PDE8A: variants seen among roughly 807,000 people sequenced by gnomAD.
The protein encoded by PDE8A is phosphodiesterase 8A.
Under a neutral mutation model 105.0 loss-of-function variants are expected in PDE8A, and 59 were observed. The ratio of observed to expected loss-of-function variants is 0.56; its 90% CI spans 0.46 to 0.70. PDE8A has a LOEUF of 0.70. Ranked by LOEUF, PDE8A falls within the 30% of genes least tolerant of loss-of-function variation. The pLI, the probability that PDE8A is intolerant of heterozygous loss-of-function variation, is 0.00. For synonymous variants in PDE8A, 355 were observed against 371.9 expected, an observed-to-expected ratio of 0.95 and a Z score of 0.52; for missense variants, 1,014 against 1,045.9, an observed-to-expected ratio of 0.97 and a Z score of 0.42.
intron 19 of PDE8A, among the ~76,000 whole-genome samples, chr15:85,125,970 A>G (rs1481817437): frequency 6.6e-6 from 1 of 151,922 alleles, no homozygotes; most frequent in Non-Finnish European, 1.5e-5. Flanking sequence ...AGATATACCA[A>G]CCCCTAGTGC....
At chr15:84,998,191 C>T (rs989912992) in intron 1 of PDE8A, among the ~76,000 whole-genome samples, 8 of 152,154 alleles carry the variant, frequency 5.3e-5, no homozygotes, top group African/African-American at 7.2e-5. Flanking sequence ...AGGAGGAAAT[C>T]GAAACCCTAA....
chr15:85,077,281 C>T (rs138056618), intron 5 of PDE8A, among the ~76,000 whole-genome samples: 12 of 152,294 alleles, frequency 7.9e-5, no homozygotes, highest in African/African-American at 2.6e-4. Flanking sequence ...CTCTCTTTCT[C>T]TCCACTCCCA....
intron 1 of PDE8A, among the ~76,000 whole-genome samples, chr15:85,039,141 A>G (rs903145368): frequency 3.3e-5 from 5 of 152,072 alleles, no homozygotes; most frequent in Non-Finnish European, 7.4e-5. Flanking sequence ...AAAAAAAAGA[A>G]AAGAGTGGGT....
At chr15:85,082,662 T>C (rs2081485956) in intron 5 of PDE8A, among the ~76,000 whole-genome samples, 1 of 152,254 alleles carries the variant, frequency 6.6e-6, no homozygotes, top group African/African-American at 2.4e-5. Flanking sequence ...GATAGTGATA[T>C]GCAGAGGCTC....
At chr15:85,036,561 G>A (rs2080710096) in intron 1 of PDE8A, among the ~76,000 whole-genome samples, 1 of 152,162 alleles carries the variant, frequency 6.6e-6, no homozygotes, top group Non-Finnish European at 1.5e-5. Flanking sequence ...ATGGGCAGAT[G>A]CAGGATCCAG....
Position 84,982,368 on chromosome 15 carries a change from C to T in PDE8A, c.186+20C>T, listed in dbSNP as rs1362216351. On this transcript the variant is annotated intron_variant, in intron 1 of 21. Transcript: ENST00000394553. ...AAGAAGGTAAGGGGCGCCGGGCACTCTGGGGCCGCCGCGAAACTCGGGCCC... is the reference window on the plus strand; with the variant it reads ...AAGAAGGTAAGGGGCGCCGGGCACTTTGGGGCCGCCGCGAAACTCGGGCCC... The T allele has an allele frequency of 3.9e-6, 5 of 1,293,078 alleles. No individual in the cohort carries two copies. In the African/African-American group the frequency reaches 6.2e-5, roughly 16 times the overall value. The allele number at this position is 1,293,078 out of a possible 1,614,324, so 80.1% of individuals were successfully genotyped here. A position where few individuals can be genotyped will look rare whatever the true frequency, so the allele number is the denominator to read the frequency against.
chr15:84,989,458 G>A (rs906203166), intron 1 of PDE8A, among the ~76,000 whole-genome samples: 3 of 152,176 alleles, frequency 2.0e-5, no homozygotes, highest in South Asian at 2.1e-4. Context: ...AACCCAAAGC[G>A]CTGGTGGCAC....
At chr15:85,088,878 A>G (rs1042677655) in intron 6 of PDE8A, among the ~76,000 whole-genome samples, 3 of 152,266 alleles carry the variant, frequency 2.0e-5, no homozygotes, top group Admixed American at 6.5e-5. Context: ...TAGTCTTTCC[A>G]GATGCCCTCA....
chr15:85,002,451 G>A (rs1343421621), intron 1 of PDE8A, among the ~76,000 whole-genome samples: 1 of 152,172 alleles, frequency 6.6e-6, no homozygotes, highest in Non-Finnish European at 1.5e-5. Flanking sequence ...TGTAGAGTTG[G>A]GTGCGCCACC....
intron 1 of PDE8A, among the ~76,000 whole-genome samples, chr15:85,020,308 A>G (rs2080403517): frequency 6.6e-6 from 1 of 152,106 alleles, no homozygotes; most frequent in Non-Finnish European, 1.5e-5. Flanking sequence ...TCTGGGCATT[A>G]AGAAAACAAC....
chr15:84,996,681 G>T (rs1470437247), intron 1 of PDE8A, among the ~76,000 whole-genome samples: 1 of 151,594 alleles, frequency 6.6e-6, no homozygotes. Context: ...CAAAAATTAG[G>T]CGGGTATAGT....
intron 2 of PDE8A, 92 bp downstream of exon 2, chr15:85,064,518 C>A (rs1187603558): frequency 2.5e-6 from 2 of 789,668 alleles, no homozygotes; most frequent in Non-Finnish European, 2.2e-6. Context: ...AATAGTCTTT[C>A]ATTTAGATAA....
chr15:84,982,847 G>C (rs900954033), intron 1 of PDE8A, among the ~76,000 whole-genome samples: 1 of 152,176 alleles, frequency 6.6e-6, no homozygotes. Context: ...TTTTCTTCGG[G>C]ACTGCTAGAA....
chr15:85,116,256 C>T (rs1203211732), intron 16 of PDE8A, 137 bp downstream of exon 16: 4 of 768,956 alleles, frequency 5.2e-6, no homozygotes, highest in Middle Eastern at 3.8e-4. Flanking sequence ...TAACAGGGCA[C>T]CAGGTGGCTC....
At chr15:85,019,035 G>T (rs182957662) in intron 1 of PDE8A, among the ~76,000 whole-genome samples, 51 of 152,228 alleles carry the variant, frequency 3.4e-4, no homozygotes, top group African/African-American at 1.2e-3. Flanking sequence ...AGTTACTTGG[G>T]AGGTGTAGTT....
chr15:84,993,442 CAAAAAAAAAAAAAAAA>C (rs11362736), intron 1 of PDE8A, among the ~76,000 whole-genome samples: 1 of 73,116 alleles, frequency 1.4e-5, no homozygotes, highest in Admixed American at 1.8e-4. Context: ...GACTCCATCT[CAAAAAAAAAAAAAAAA>C]AAAAAAAGAA....
chr15:85,115,260 A>G (rs887299086), intron 14 of PDE8A, 179 bp from the exon 15 acceptor site: 15 of 558,850 alleles, frequency 2.7e-5, no homozygotes, highest in Non-Finnish European at 4.7e-5. Flanking sequence ...TGTGCTCTCC[A>G]GTAAGTGACT....
At chr15:85,027,480 G>T (rs1015452469) in intron 1 of PDE8A, among the ~76,000 whole-genome samples, 11 of 152,146 alleles carry the variant, frequency 7.2e-5, no homozygotes, top group African/African-American at 2.4e-4. Context: ...ATTGGGGTCT[G>T]CAAGAAAAGA....
intron 17 of PDE8A, 109 bp downstream of exon 17, chr15:85,117,948 G>C: frequency 1.1e-6 from 1 of 888,662 alleles, no homozygotes. Context: ...GTGCAGCCTG[G>C]CACAGGAAGG....
Sources: allele counts gnomAD v4.1 joint callset (sites outside exome capture counted in the v4.1 genomes callset), GRCh38; gene constraint gnomAD v4.1.1; transcripts MANE v1.5; gene names NCBI Gene and HGNC (gene_info 2026-07-23, HGNC 2026-07-21).